ABL2: variants seen among roughly 807,000 people sequenced by gnomAD.
ABL2 encodes ABL proto-oncogene 2, non-receptor tyrosine kinase.
In ABL2, 49 loss-of-function variants were observed where a neutral mutation model predicts 107.7. The observed-to-expected ratio is 0.45, with a 90% CI of 0.36 to 0.58. The LOEUF (loss-of-function observed/expected upper bound fraction) is 0.58. Among genes scored for constraint, ABL2 ranks in the 20% least tolerant of loss-of-function variants. ABL2 has a pLI of 0.00. For missense variants in ABL2, 1,245 were observed against 1,457.0 expected (o/e 0.85, Z 2.37); for synonymous variants, 549 against 548.6 (o/e 1.00, Z -0.01).
At chr1:179,194,913 G>A (rs907936126) in intron 1 of ABL2, among the ~76,000 whole-genome samples, 1 of 152,060 alleles carries the variant, frequency 6.6e-6, no homozygotes, top group Non-Finnish European at 1.5e-5. Context: ...AAAATTTCTC[G>A]AAAACAGATA....
intron 1 of ABL2, among the ~76,000 whole-genome samples, chr1:179,178,761 G>C (rs981817996): frequency 1.3e-5 from 2 of 150,930 alleles, no homozygotes; most frequent in Non-Finnish European, 1.5e-5. Context: ...GTGGTGGGCT[G>C]GGGGGGGTGC....
intron 1 of ABL2, among the ~76,000 whole-genome samples, chr1:179,198,086 T>C (rs1661427088): frequency 6.9e-6 from 1 of 144,914 alleles, no homozygotes; most frequent in Admixed American, 7.1e-5. Context: ...AGTGCGACGG[T>C]CCCCTGAGCC....
At chr1:179,135,263 C>T (rs1296608197) in intron 1 of ABL2, among the ~76,000 whole-genome samples, 1 of 151,080 alleles carries the variant, frequency 6.6e-6, no homozygotes, top group African/African-American at 2.4e-5. Flanking sequence ...CTGCCCGGGC[C>T]GCCATCCCAT....
chr1:179,226,983 A>C (rs1308962743), intron 1 of ABL2, among the ~76,000 whole-genome samples: 2 of 152,216 alleles, frequency 1.3e-5, no homozygotes, highest in East Asian at 3.8e-4. Flanking sequence ...GCTCAAAAAA[A>C]ACCCTTGTTT....
In ABL2 at chr1:179,126,398, G is replaced by C; in HGVS notation, c.666C>G (p.Ile222Met). 1.2e-6 allele frequency: 2 copies of C among 1,614,120 alleles called. No individual in the cohort carries two copies. The highest frequency in any genetic ancestry group is 4.5e-5 in the East Asian group (2 of 44,888). Reference protein sequence around the residue: ...RYEGRVYHYRINTTADGKVYV... With the variant: ...RYEGRVYHYRMNTTADGKVYV... The stretch of plus-strand genomic sequence containing the variant: ...TTACCTTGCCATCTGCAGTGGTATT[G>C]ATCCTGTAGTGATACACACGTCCCT... The change falls in exon 4 of 12, where the codon ATC becomes ATG. Residue 222 changes from isoleucine to methionine, a missense_variant. Physicochemically the swap from Ile to Met is conservative, Grantham distance 10. Transcript: ENST00000502732. The surrounding 1 kb of genome is among the most constrained non-coding windows in gnomAD (Gnocchi z 4.4).
Position 179,103,533 on chromosome 1 carries a change from T to A in ABL2, c.*4185A>T. Reference sequence around the variant, plus strand: ...GTTTTTTAAAAACTCAAGTTGGTATTTCTTTACTACAAAGTGCACATTGCT... The same window carrying A: ...GTTTTTTAAAAACTCAAGTTGGTATATCTTTACTACAAAGTGCACATTGCT... On this transcript the variant is annotated 3_prime_UTR_variant, in exon 12 of 12. Coordinates refer to ENST00000502732, the MANE Select transcript of ABL2 (RefSeq NM_007314.4). 4.7e-6 allele frequency: 1 copy of A among 214,330 alleles called. No individual in the cohort carries two copies. The highest frequency in any genetic ancestry group is 9.4e-6 in the Non-Finnish European group (1 of 106,250). The allele number at this position is 214,330 out of a possible 1,614,324, so 13.3% of individuals were successfully genotyped here. A position where few individuals can be genotyped will look rare whatever the true frequency, so the allele number is the denominator to read the frequency against.
At chr1:179,187,812 CA>C (rs1330593951) in intron 1 of ABL2, among the ~76,000 whole-genome samples, 2 of 152,080 alleles carry the variant, frequency 1.3e-5, no homozygotes, top group Non-Finnish European at 2.9e-5. Flanking sequence ...ATTTCAGACT[CA>C]TAACTAATCT....
At position 179,099,620 on chromosome 1, in the gene ABL2, T is replaced by G; in HGVS notation, c.*8098A>C. 4.3e-6 allele frequency: 1 copy of G among 231,264 alleles called. No homozygotes were observed. The highest frequency in any genetic ancestry group is 8.6e-6 in the Non-Finnish European group (1 of 116,776). 14.3% of individuals were successfully genotyped at this position (231,264 alleles called of 1,614,324 possible). A position where few individuals can be genotyped will look rare whatever the true frequency, so the allele number is the denominator to read the frequency against. ...TTGTCTCACTATGTCCCCTTAGCAA[T>G]GCACACAGTGCCCGATGCTCCAAAC... On this transcript the variant is annotated 3_prime_UTR_variant, in exon 12 of 12. Transcript: ENST00000502732.
rs1227179649 is a variant in ABL2, at chr1:179,175,848, T to C, written c.158-42474A>G. On this transcript the variant is annotated intron_variant, in intron 1 of 11. Coordinates refer to ENST00000502732, the MANE Select transcript of ABL2 (RefSeq NM_007314.4). ...TGCTAGACAAGTAGACACATTCTTC[T>C]TTTTTTTTTTTTTTTTGAGGAGGGG... 8.6e-5 allele frequency among the ~76,000 whole-genome samples: 3 copies of C among 35,026 alleles called. No homozygotes were observed. In the Admixed American group the frequency reaches 1.5e-3, roughly 17 times the overall value. The allele number at this position is 35,026 out of a possible 152,430, so 23.0% of individuals were successfully genotyped here. A position where few individuals can be genotyped will look rare whatever the true frequency, so the allele number is the denominator to read the frequency against.
intron 10 of ABL2, chr1:179,110,921 T>G: frequency 6.3e-7 from 1 of 1,595,792 alleles, no homozygotes; most frequent in Non-Finnish European, 8.6e-7. Flanking sequence ...CGATACTATT[T>G]TGCATGAAAG....
At chr1:179,200,039 C>CTTT (rs55873652) in intron 1 of ABL2, among the ~76,000 whole-genome samples, 2 of 84,104 alleles carry the variant, frequency 2.4e-5, no homozygotes, top group African/African-American at 5.0e-5. Context: ...CCCCCAATGC[C>CTTT]TTTTTTTTTT....
intron 3 of ABL2, among the ~76,000 whole-genome samples, chr1:179,127,305 A>G (rs1397842973): frequency 1.3e-5 from 2 of 152,254 alleles, no homozygotes; most frequent in African/African-American, 4.8e-5. Context: ...AATCCCTTCC[A>G]GAATGCAAGT....
intron 1 of ABL2, among the ~76,000 whole-genome samples, chr1:179,209,361 C>T (rs983227174): frequency 6.6e-6 from 1 of 152,170 alleles, no homozygotes; most frequent in Non-Finnish European, 1.5e-5. Flanking sequence ...ACACGCTGTC[C>T]ACTCTCCATC....
At position 179,229,479 on chromosome 1, in the gene ABL2, C is replaced by T; in HGVS notation, c.-82G>A. 7.4e-7 allele frequency: 1 copy of T among 1,357,552 alleles called. No individual in the cohort carries two copies. The highest frequency in any genetic ancestry group is 9.5e-7 in the Non-Finnish European group (1 of 1,048,418). 84.1% of individuals were successfully genotyped at this position (1,357,552 alleles called of 1,614,324 possible). On this transcript the variant is annotated 5_prime_UTR_variant, in exon 1 of 12. Coordinates refer to ENST00000502732, the MANE Select transcript of ABL2 (RefSeq NM_007314.4). ...CTCCGGCCTCGGGCTCCTGGCGCTG[C>T]TCCGGTCTCTCCCTCCCAGCCCAGG...
chr1:179,182,264 C>T (rs1011120497), intron 1 of ABL2, among the ~76,000 whole-genome samples: 2 of 152,110 alleles, frequency 1.3e-5, no homozygotes, highest in Non-Finnish European at 2.9e-5. Flanking sequence ...TCTCCTACTC[C>T]TAAAGTGAAG....
intron 1 of ABL2, among the ~76,000 whole-genome samples, chr1:179,153,664 A>G (rs988033135): frequency 3.3e-5 from 5 of 152,060 alleles, no homozygotes; most frequent in Non-Finnish European, 7.4e-5. Context: ...ATGTATAAAG[A>G]CCAAAAATTC....
At chr1:179,158,512 G>A (rs1418212822) in intron 1 of ABL2, among the ~76,000 whole-genome samples, 1 of 152,182 alleles carries the variant, frequency 6.6e-6, no homozygotes, top group Non-Finnish European at 1.5e-5. Flanking sequence ...CAACCAGAAA[G>A]TTTAAGGGAC....
intron 1 of ABL2, among the ~76,000 whole-genome samples, chr1:179,141,166 C>T (rs954521701): frequency 1.3e-5 from 2 of 148,680 alleles, no homozygotes; most frequent in African/African-American, 5.0e-5. Flanking sequence ...TAGTGGCACA[C>T]AACTGTAGTC....
chr1:179,175,796 A>G (rs981385855), intron 1 of ABL2, among the ~76,000 whole-genome samples: 1 of 151,880 alleles, frequency 6.6e-6, no homozygotes, highest in African/African-American at 2.4e-5. Flanking sequence ...GATGAAGCAA[A>G]TTAACAAAGA....
Sources: gnomAD v4.1 joint callset for allele counts (sites outside exome capture counted in the v4.1 genomes callset) on GRCh38, gnomAD v4.1.1 for gene constraint, Gnocchi (gnomAD v3.1) non-coding constraint, MANE v1.5 for transcripts, NCBI Gene and HGNC (gene_info 2026-07-23, HGNC 2026-07-21) for gene names.